Variants in FSTL5 observed in about 807,000 individuals in gnomAD.
FSTL5 encodes follistatin-related protein 5.
Under a neutral mutation model 89.1 loss-of-function variants are expected in FSTL5, and 62 were observed. The ratio of observed to expected loss-of-function variants is 0.70; its 90% CI spans 0.57 to 0.86. FSTL5 has a LOEUF of 0.86. Among genes scored for constraint, FSTL5 ranks in the 40% least tolerant of loss-of-function variants. FSTL5 has a pLI of 0.00. For synonymous variants in FSTL5, 383 were observed against 346.2 expected (o/e 1.11, Z -1.18); for missense variants, 1,057 against 1,001.6 (o/e 1.06, Z -0.75).
At chr4:161,543,791 A>T (rs1181833463) in intron 8 of FSTL5, among the ~76,000 whole-genome samples, 1 of 152,086 alleles carries the variant, frequency 6.6e-6, no homozygotes, top group Non-Finnish European at 1.5e-5. Context: ...TAGGAGCTAA[A>T]ACAATAAACT....
At chr4:161,912,857 T>C (rs190490643) in intron 4 of FSTL5, among the ~76,000 whole-genome samples, 1 of 152,276 alleles carries the variant, frequency 6.6e-6, no homozygotes, top group Admixed American at 6.5e-5. Context: ...ATATGAACAA[T>C]AAGATCCAGA....
intron 8 of FSTL5, among the ~76,000 whole-genome samples, chr4:161,555,314 C>T (rs1390046093): frequency 6.6e-6 from 1 of 151,154 alleles, no homozygotes; most frequent in African/African-American, 2.4e-5. Flanking sequence ...CAAAAGTCAC[C>T]ATTTTAAGAA....
intron 3 of FSTL5, among the ~76,000 whole-genome samples, chr4:162,002,774 A>T (rs1476071468): frequency 6.7e-6 from 1 of 149,968 alleles, no homozygotes; most frequent in Non-Finnish European, 1.5e-5. Context: ...TGGTAATCAA[A>T]TACCACATTT....
chr4:161,622,272 G>A (rs1446433298), intron 7 of FSTL5, among the ~76,000 whole-genome samples: 1 of 151,900 alleles, frequency 6.6e-6, no homozygotes, highest in Non-Finnish European at 1.5e-5. Flanking sequence ...AAAAATTTCA[G>A]AGGTTTACAC....
intron 6 of FSTL5, among the ~76,000 whole-genome samples, chr4:161,740,008 T>G (rs1560818894): frequency 6.6e-6 from 1 of 150,918 alleles, no homozygotes; most frequent in Non-Finnish European, 1.5e-5. Context: ...ATTTATTTAT[T>G]TATTTATTTA....
At chr4:161,983,674 G>T (rs1735886742) in intron 3 of FSTL5, among the ~76,000 whole-genome samples, 1 of 152,038 alleles carries the variant, frequency 6.6e-6, no homozygotes, top group South Asian at 2.1e-4. Context: ...TAAAGACCAG[G>T]ACACTCATTT....
intron 7 of FSTL5, among the ~76,000 whole-genome samples, chr4:161,598,006 GAACT>G (rs1436159534): frequency 2.0e-5 from 3 of 152,036 alleles, no homozygotes; most frequent in Non-Finnish European, 2.9e-5. Flanking sequence ...AACATGAATA[GAACT>G]CAATATTTTA....
intron 13 of FSTL5, among the ~76,000 whole-genome samples, chr4:161,478,209 A>G (rs957714140): frequency 3.3e-5 from 5 of 152,118 alleles, no homozygotes; most frequent in African/African-American, 1.2e-4. Context: ...TTAGCAGTAG[A>G]ATGTATAAAT....
chr4:161,778,677 A>G (rs2126806710), intron 4 of FSTL5, among the ~76,000 whole-genome samples: 1 of 152,232 alleles, frequency 6.6e-6, no homozygotes, highest in East Asian at 1.9e-4. Flanking sequence ...TCAATTTTGT[A>G]TCATTCTGTT....
chr4:161,552,860 A>C (rs1198218875), intron 8 of FSTL5, among the ~76,000 whole-genome samples: 1 of 151,732 alleles, frequency 6.6e-6, no homozygotes, highest in African/African-American at 2.4e-5. Flanking sequence ...ATAAATGAGG[A>C]CTGATGGCAG....
intron 2 of FSTL5, among the ~76,000 whole-genome samples, chr4:162,104,033 G>A (rs777931153): frequency 9.9e-5 from 15 of 152,258 alleles, no homozygotes; most frequent in South Asian, 4.2e-4. Flanking sequence ...CTTCTGATCC[G>A]CGTTTGTTAT....
At chr4:162,104,209 C>T (rs1731119616) in intron 2 of FSTL5, among the ~76,000 whole-genome samples, 1 of 152,236 alleles carries the variant, frequency 6.6e-6, no homozygotes, top group African/African-American at 2.4e-5. Flanking sequence ...GCCATTGTTC[C>T]TGCACGGCTA....
chr4:161,392,485 A>T (rs921456247), intron 15 of FSTL5, among the ~76,000 whole-genome samples: 2 of 152,120 alleles, frequency 1.3e-5, no homozygotes, highest in African/African-American at 4.8e-5. Flanking sequence ...TTGGCCTCCC[A>T]GTGTGCTGAG....
rs568098773 is a variant in FSTL5 at position 161,569,132 on chromosome 4, G to A, written c.1015+18323C>T. Among the ~76,000 whole-genome samples, 220 of 152,198 alleles carry A rather than the reference G, an allele frequency of 1.4e-3. 9 individuals carry two copies. In the South Asian group the frequency reaches 0.044, roughly 31 times the overall value. ...AGTATCTGAGACTACAAAAACATAC[G>A]TGTGCATTACCATGCCTGGATAATT... On this transcript the variant is annotated intron_variant, in intron 8 of 15. Transcript: ENST00000306100.
intron 4 of FSTL5, among the ~76,000 whole-genome samples, chr4:161,777,243 G>GTATA (rs4065063): frequency 0.22 from 32,259 of 144,716 alleles, 3,594 homozygotes; most frequent in Middle Eastern, 0.31. Flanking sequence ...ATTTCATTGT[G>GTATA]TATATATATA....
chr4:161,386,968 A>G (rs1730671271), intron 15 of FSTL5: 1 of 154,632 alleles, frequency 6.5e-6, no homozygotes, highest in African/African-American at 2.4e-5. Context: ...TTTATATGTT[A>G]TTTTTAATGA....
chr4:161,806,232 A>C (rs1729961190), intron 4 of FSTL5, among the ~76,000 whole-genome samples: 1 of 152,180 alleles, frequency 6.6e-6, no homozygotes, highest in Admixed American at 6.5e-5. Flanking sequence ...AAACTGAGTC[A>C]AAGACAAGTT....
chr4:161,767,739 A>C (rs552722433), intron 5 of FSTL5, among the ~76,000 whole-genome samples: 2 of 152,158 alleles, frequency 1.3e-5, no homozygotes, highest in African/African-American at 4.8e-5. Context: ...ATGAAATAGG[A>C]CGATTCAGAG....
At chr4:161,524,618 T>A (rs895256360) in intron 10 of FSTL5, among the ~76,000 whole-genome samples, 9 of 152,138 alleles carry the variant, frequency 5.9e-5, no homozygotes, top group Non-Finnish European at 1.3e-4. Context: ...ATTGTAAATA[T>A]TTTTTATGAT....
Sources: gnomAD v4.1 joint callset for allele counts (sites outside exome capture counted in the v4.1 genomes callset) on GRCh38, gnomAD v4.1.1 for gene constraint, MANE v1.5 for transcripts, NCBI Gene and HGNC (gene_info 2026-07-23, HGNC 2026-07-21) for gene names.